The following LDLRAD1 variants were observed in gnomAD, a reference collection of about 807,000 sequenced individuals.
LDLRAD1 encodes low-density lipoprotein receptor class A domain-containing protein 1.
A neutral mutation model predicts 24.8 loss-of-function variants in LDLRAD1; 17 were observed. That is an observed-to-expected ratio of 0.69 (90% confidence interval 0.47 to 1.03). The LOEUF (loss-of-function observed/expected upper bound fraction) is 1.03. LDLRAD1 is among the 50% of genes least tolerant of loss of function. The pLI, the probability that LDLRAD1 is intolerant of heterozygous loss-of-function variation, is 0.00. For synonymous variants in LDLRAD1, 103 were observed against 108.2 expected (o/e 0.95, Z 0.30); for missense variants, 277 against 271.0 (o/e 1.02, Z -0.16).
At chr1:54,016,713 C>T (rs1334067525) in intron 2 of LDLRAD1, among the ~76,000 whole-genome samples, 1 of 152,220 alleles carries the variant, frequency 6.6e-6, no homozygotes, top group Admixed American at 6.5e-5. Context: ...GGTTACTCAA[C>T]CTCTCTTAGT....
rs1655904566 is a variant in LDLRAD1, at chr1:54,008,484, G to T, written c.*498C>A. 1 of 154,330 alleles carries T rather than the reference G, an allele frequency of 6.5e-6. No individual in the cohort carries two copies. The highest frequency in any genetic ancestry group is 1.4e-5 in the Non-Finnish European group (1 of 69,590). The allele number at this position is 154,330 out of a possible 1,614,324, so 9.6% of individuals were successfully genotyped here. A position where few individuals can be genotyped will look rare whatever the true frequency, so the allele number is the denominator to read the frequency against. Reference sequence around the variant, plus strand: ...GGAGCAGTTAGCAGATTTCCTCTGTGTGGCCCCAGAGACAGGCATGAAATC... The same window carrying T: ...GGAGCAGTTAGCAGATTTCCTCTGTTTGGCCCCAGAGACAGGCATGAAATC... On this transcript the variant is annotated 3_prime_UTR_variant, in exon 6 of 6. Transcript: ENST00000371360.
intron 2 of LDLRAD1, among the ~76,000 whole-genome samples, chr1:54,016,556 C>T (rs191808254): frequency 2.4e-4 from 37 of 152,282 alleles, no homozygotes; most frequent in Admixed American, 2.4e-3. Context: ...TGATTCTTTC[C>T]ACAACCCCGC....
At position 54,014,340 on chromosome 1, in the gene LDLRAD1, G is replaced by A. The variant is rs372096942; in HGVS notation, c.98C>T (p.Ser33Leu). The part of the protein sequence containing the change: ...GEAGGGHLCC[S>L]RRGACLSASL... ...GGCAGAGAGGCAGGCCCCGCGACGT[G>A]AGCAGCAGAGGTGGCCGCCGCCTGC... The change falls in exon 3 of 6, where the codon TCA becomes TTA. Residue 33 changes from serine (S) to leucine (L), a missense_variant. Coordinates refer to ENST00000371360, the MANE Select transcript of LDLRAD1 (RefSeq NM_001010978.4). The A allele has an allele frequency of 4.5e-6, 7 of 1,545,804 alleles. No homozygotes were observed. The African/African-American group carries it at 8.2e-5, about 18-fold the overall frequency.
chr1:54,013,913 G>A lies in LDLRAD1; in HGVS notation c.202+323C>T, dbSNP rs1193113786. 2.6e-5 allele frequency among the ~76,000 whole-genome samples: 4 copies of A among 152,024 alleles called. No individual in the cohort carries two copies. The East Asian group carries it at 7.8e-4, about 29-fold the overall frequency. Reference sequence around the variant, plus strand: ...GATAGCACCACCCCGGGGTGGCCAGGCCAGGGGAAGAGGAAGTGTAGGGAC... The same window carrying A: ...GATAGCACCACCCCGGGGTGGCCAGACCAGGGGAAGAGGAAGTGTAGGGAC... On this transcript the variant is annotated intron_variant, in intron 3 of 5. Coordinates refer to ENST00000371360, the MANE Select transcript of LDLRAD1 (RefSeq NM_001010978.4).
chr1:54,017,377 T>A lies in LDLRAD1; in HGVS notation c.72A>T (p.Glu24Asp), dbSNP rs1387379963. The change falls in exon 2 of 6, where the codon GAA (glutamate) becomes GAT (aspartate). Residue 24 changes from glutamate (E) to aspartate (D), a missense_variant and splice_region_variant. By Grantham distance (45) the Glu-to-Asp change is conservative. Transcript: ENST00000371360. ...AAESKAHPGGEAGGGHLCCSR... is the reference protein window; with the variant it reads ...AAESKAHPGGDAGGGHLCCSR... The stretch of plus-strand genomic sequence containing the variant: ...GCCCCAGGCCCTCCAGTTCTTTACC[T>A]TCCCCTCCAGGGTGGGCTTTGGATT... 1 of 1,600,168 alleles carries A rather than the reference T, an allele frequency of 6.2e-7. No homozygotes were observed. The highest frequency in any genetic ancestry group is 2.2e-5 in the East Asian group (1 of 44,578).
intron 2 of LDLRAD1, among the ~76,000 whole-genome samples, chr1:54,015,344 C>T (rs988507761): frequency 1.3e-5 from 2 of 152,324 alleles, no homozygotes; most frequent in East Asian, 1.9e-4. Context: ...TGATAGGGGA[C>T]GTCCCTGCTC....
In LDLRAD1 at chr1:54,012,386, G is replaced by T. The variant is rs888074838; in HGVS notation, c.203-106C>A. The stretch of plus-strand genomic sequence containing the variant: ...AGCTGGCCTGAGGGGCTGGGGCAGT[G>T]GGGAGGATGGACCCAGCGCCATCAA... On this transcript the variant is annotated intron_variant, in intron 3 of 5. Coordinates refer to ENST00000371360, the MANE Select transcript of LDLRAD1 (RefSeq NM_001010978.4). 3 of 1,232,008 alleles carry T rather than the reference G, an allele frequency of 2.4e-6. No homozygotes were observed. In the African/African-American group the frequency reaches 4.4e-5, roughly 18 times the overall value. The allele number at this position is 1,232,008 out of a possible 1,614,324, so 76.3% of individuals were successfully genotyped here.
intron 2 of LDLRAD1, among the ~76,000 whole-genome samples, chr1:54,015,459 C>A (rs1656263076): frequency 6.6e-6 from 1 of 152,120 alleles, no homozygotes; most frequent in Non-Finnish European, 1.5e-5. Context: ...GCAGCTTGCC[C>A]TGGTCCTTGC....
intron 1 of LDLRAD1, 90 bp from the exon 2 acceptor site, chr1:54,017,517 T>C (rs1370913537): frequency 4.6e-6 from 5 of 1,091,840 alleles, no homozygotes; most frequent in Non-Finnish European, 5.5e-6. Context: ...GAGGGGTCAC[T>C]GAGAGAGTCT....
At chr1:54,015,751 G>A (rs1453369349) in intron 2 of LDLRAD1, among the ~76,000 whole-genome samples, 1 of 151,840 alleles carries the variant, frequency 6.6e-6, no homozygotes, top group Non-Finnish European at 1.5e-5. Context: ...TGCCTTCTGG[G>A]TTCAAGCGAT....
chr1:54,007,441 T>C lies in LDLRAD1; in HGVS notation c.*1541A>G, dbSNP rs769607566. Reference sequence around the variant, plus strand: ...CTGACCCTCAATCTCATGTTTTATTTTATTTTTATTAAAAAGAAATTTTTT... The same window carrying C: ...CTGACCCTCAATCTCATGTTTTATTCTATTTTTATTAAAAAGAAATTTTTT... On this transcript the variant is annotated 3_prime_UTR_variant, in exon 6 of 6. Coordinates refer to ENST00000371360, the MANE Select transcript of LDLRAD1 (RefSeq NM_001010978.4). 4.6e-5 allele frequency: 7 copies of C among 152,202 alleles called. No individual in the cohort carries two copies. The highest frequency in any genetic ancestry group is 1.0e-4 in the Non-Finnish European group (7 of 68,040). The allele number at this position is 152,202 out of a possible 1,614,324, so 9.4% of individuals were successfully genotyped here.
chr1:54,017,661 A>G (rs1656369685), intron 1 of LDLRAD1, among the ~76,000 whole-genome samples: 1 of 152,086 alleles, frequency 6.6e-6, no homozygotes, highest in African/African-American at 2.4e-5. Context: ...TCCACCTGAT[A>G]AATATTCATC....
intron 4 of LDLRAD1, among the ~76,000 whole-genome samples, chr1:54,011,062 C>T (rs748114922): frequency 3.3e-5 from 5 of 152,070 alleles, no homozygotes; most frequent in African/African-American, 9.7e-5. Flanking sequence ...TGTCCAGGGA[C>T]GGGGACATGG....
chr1:54,009,307 C>G (rs1231794220), intron 5 of LDLRAD1, among the ~76,000 whole-genome samples, 177 bp from the exon 6 acceptor site: 4 of 152,196 alleles, frequency 2.6e-5, no homozygotes, highest in Admixed American at 2.0e-4. Flanking sequence ...CCACAGCTCA[C>G]AGGCTATGTG....
At chr1:54,016,433 G>A (rs1279221967) in intron 2 of LDLRAD1, among the ~76,000 whole-genome samples, 11 of 152,178 alleles carry the variant, frequency 7.2e-5, no homozygotes, top group Admixed American at 7.2e-4. Flanking sequence ...ACAAGGTGGG[G>A]CCATGGGAGA....
chr1:54,014,523 C>T (rs754505727), intron 2 of LDLRAD1, among the ~76,000 whole-genome samples, 159 bp from the exon 3 acceptor site: 3 of 152,182 alleles, frequency 2.0e-5, no homozygotes, highest in Non-Finnish European at 4.4e-5. Flanking sequence ...CCCAAGCCCT[C>T]CTTGATGCTC....
intron 2 of LDLRAD1, among the ~76,000 whole-genome samples, chr1:54,016,872 G>A (rs182480396): frequency 4.6e-5 from 7 of 152,274 alleles, no homozygotes; most frequent in South Asian, 2.1e-4. Context: ...AGTGTGTTTC[G>A]TCATTGATCA....
At chr1:54,009,656 T>C (rs1655964621) in intron 5 of LDLRAD1, among the ~76,000 whole-genome samples, 1 of 152,138 alleles carries the variant, frequency 6.6e-6, no homozygotes, top group Admixed American at 6.5e-5. Context: ...ATGATGTGAG[T>C]CCTGGGGGTA....
Position 54,014,377 on chromosome 1 carries a change from G to A in LDLRAD1, c.74-13C>T, listed in dbSNP as rs1374466663. The A allele has an allele frequency of 8.3e-6, 11 of 1,332,222 alleles. No individual in the cohort carries two copies. The African/African-American group carries it at 1.5e-4, about 18-fold the overall frequency. The allele number at this position is 1,332,222 out of a possible 1,614,324, so 82.5% of individuals were successfully genotyped here. ...TGGCCGCCGCCTGCTGTGTGGGGGGGAAACAAGCCCGGGGGTGGTGGTGAT... is the reference window on the plus strand; with the variant it reads ...TGGCCGCCGCCTGCTGTGTGGGGGGAAAACAAGCCCGGGGGTGGTGGTGAT... On this transcript the variant is annotated splice_polypyrimidine_tract_variant and intron_variant, in intron 2 of 5. Transcript: ENST00000371360.
Sources: allele counts gnomAD v4.1 joint callset (sites outside exome capture counted in the v4.1 genomes callset), GRCh38; gene constraint gnomAD v4.1.1; transcripts MANE v1.5; gene names NCBI Gene and HGNC (gene_info 2026-07-23, HGNC 2026-07-21).